Variants in TMEM116 observed in about 807,000 individuals in gnomAD.
The protein encoded by TMEM116 is transmembrane protein 116.
TMEM116 carries 38 observed loss-of-function variants against 44.3 expected under a neutral mutation model. That is an observed-to-expected ratio of 0.86 (90% confidence interval 0.66 to 1.12). The LOEUF is 1.12. TMEM116 is among the 50% of genes most tolerant of loss of function. The pLI, the probability that TMEM116 is intolerant of heterozygous loss-of-function variation, is 0.00. For synonymous variants in TMEM116, 132 were observed against 144.8 expected, an observed-to-expected ratio of 0.91 and a Z score of 0.64; for missense variants, 354 against 401.7, an observed-to-expected ratio of 0.88 and a Z score of 1.01.
chr12:111,944,369 A>C (rs1360624222), intron 4 of TMEM116, among the ~76,000 whole-genome samples: 1 of 152,076 alleles, frequency 6.6e-6, no homozygotes, highest in Non-Finnish European at 1.5e-5. Flanking sequence ...GGTAAGAGCG[A>C]GTATAGGAGG....
chr12:111,966,011 A>C (rs1406798420), intron 4 of TMEM116, among the ~76,000 whole-genome samples: 1 of 150,884 alleles, frequency 6.6e-6, no homozygotes, highest in Non-Finnish European at 1.5e-5. Flanking sequence ...TCATTTGTTT[A>C]AGAAGAAATT....
At chr12:112,005,021 G>C (rs1055026267) in intron 2 of TMEM116, among the ~76,000 whole-genome samples, 11 of 152,188 alleles carry the variant, frequency 7.2e-5, no homozygotes, top group Admixed American at 3.9e-4. Context: ...TTTTGCAACT[G>C]ATCCTGCTGA....
At chr12:111,992,549 A>C (rs899261288) in intron 3 of TMEM116, among the ~76,000 whole-genome samples, 2 of 152,166 alleles carry the variant, frequency 1.3e-5, no homozygotes, top group Admixed American at 6.6e-5. Context: ...GATCACAGGC[A>C]TGAGCCAAAC....
intron 4 of TMEM116, among the ~76,000 whole-genome samples, chr12:111,955,385 T>C (rs2074009024): frequency 6.6e-6 from 1 of 152,202 alleles, no homozygotes. Flanking sequence ...TCTCAGATGC[T>C]TTTGGAGAAA....
At chr12:111,984,333 G>A (rs954685467) in intron 4 of TMEM116, among the ~76,000 whole-genome samples, 1 of 152,070 alleles carries the variant, frequency 6.6e-6, no homozygotes, top group Non-Finnish European at 1.5e-5. Context: ...GGCAACCATC[G>A]TATATTTGCA....
chr12:112,006,306 G>A (rs924616478), intron 1 of TMEM116, among the ~76,000 whole-genome samples: 1 of 152,164 alleles, frequency 6.6e-6, no homozygotes, highest in African/African-American at 2.4e-5. Flanking sequence ...GAGAAAAAAA[G>A]ATGAGTCATA....
intron 4 of TMEM116, among the ~76,000 whole-genome samples, chr12:111,962,452 G>T (rs1037259360): frequency 1.3e-5 from 2 of 152,120 alleles, no homozygotes; most frequent in African/African-American, 4.8e-5. Context: ...GCATGGTACT[G>T]GTACCAAAAC....
intron 5 of TMEM116, among the ~76,000 whole-genome samples, chr12:111,939,439 G>A (rs1287688349): frequency 1.5e-5 from 2 of 130,906 alleles, no homozygotes; most frequent in Non-Finnish European, 3.1e-5. Flanking sequence ...GTGACAGAAT[G>A]AGAATCCGTC....
chr12:112,000,972 A>G (rs911960411), intron 3 of TMEM116: 2 of 337,654 alleles, frequency 5.9e-6, no homozygotes, highest in African/African-American at 2.2e-5. Flanking sequence ...CAGTCAGTAC[A>G]AGGTAAAGGC....
chr12:111,979,132 TG>T (rs2075818924), intron 4 of TMEM116, among the ~76,000 whole-genome samples: 1 of 152,030 alleles, frequency 6.6e-6, no homozygotes, highest in Non-Finnish European at 1.5e-5. Flanking sequence ...AAAGAAAAAA[TG>T]GATGAGTGGA....
intron 5 of TMEM116, among the ~76,000 whole-genome samples, chr12:111,939,878 CTCTGTGTG>C (rs1046588473): frequency 4.5e-5 from 5 of 110,724 alleles, no homozygotes; most frequent in African/African-American, 7.2e-5. Flanking sequence ...ATCTTCAAAG[CTCTGTGTG>C]TGTGTGTGTG....
chr12:111,940,464 C>CAT (rs201362551), intron 5 of TMEM116, among the ~76,000 whole-genome samples: 41 of 129,756 alleles, frequency 3.2e-4, no homozygotes, highest in South Asian at 8.0e-4. Flanking sequence ...CTGCCCCCCA[C>CAT]ATATATATAT....
chr12:111,969,864 G>A (rs2075230790), intron 4 of TMEM116, among the ~76,000 whole-genome samples: 1 of 152,160 alleles, frequency 6.6e-6, no homozygotes, highest in East Asian at 1.9e-4. Context: ...ACAGGTGTGA[G>A]CCACTGCGCC....
chr12:111,954,490 C>T (rs900519050), intron 4 of TMEM116, among the ~76,000 whole-genome samples: 4 of 152,170 alleles, frequency 2.6e-5, no homozygotes, highest in African/African-American at 7.2e-5. Flanking sequence ...GGGCACTTTA[C>T]ATTTGTTATC....
rs1286592146 is a variant in TMEM116, at chr12:111,932,667, TACACAAA to T, written c.734-15_734-9del. On this transcript the variant is annotated splice_polypyrimidine_tract_variant and intron_variant, in intron 9 of 10. Coordinates refer to ENST00000552374, the MANE Select transcript of TMEM116 (RefSeq NM_001193531.2). Reference sequence around the variant, plus strand: ...TGATCATTAGAATGACAGCTGTGAATACACAAAGTGTAAACCTTCTTGTCAGCCCTGA... The same window carrying T: ...TGATCATTAGAATGACAGCTGTGAATGTGTAAACCTTCTTGTCAGCCCTGA... The T allele has an allele frequency of 6.2e-6, 10 of 1,613,234 alleles. No individual in the cohort carries two copies. Among genetic ancestry groups the T allele is most frequent in the Non-Finnish European group, 8.5e-6 (10 of 1,179,168 alleles).
intron 1 of TMEM116, chr12:112,010,540 G>A (rs1255972153): frequency 2.0e-5 from 3 of 152,236 alleles, no homozygotes; most frequent in Admixed American, 6.5e-5. Context: ...GTAGAGAGGA[G>A]GCCCTGGAGA....
At chr12:111,972,885 A>G (rs185064019) in intron 4 of TMEM116, among the ~76,000 whole-genome samples, 150 of 152,042 alleles carry the variant, frequency 9.9e-4, no homozygotes, top group African/African-American at 3.4e-3. Context: ...TCAAAAAGAA[A>G]CAAAACAAAA....
intron 4 of TMEM116, among the ~76,000 whole-genome samples, chr12:111,963,145 A>G (rs1014896473): frequency 7.2e-5 from 11 of 152,236 alleles, no homozygotes; most frequent in African/African-American, 2.7e-4. Flanking sequence ...GGGGATCATT[A>G]AAAAGTCAGG....
chr12:111,951,650 T>C (rs752797665), intron 4 of TMEM116, among the ~76,000 whole-genome samples: 2 of 151,864 alleles, frequency 1.3e-5, no homozygotes, highest in Admixed American at 6.6e-5. Context: ...CAACACACAC[T>C]GGGGCTTATC....
Sources: allele counts gnomAD v4.1 joint callset (sites outside exome capture counted in the v4.1 genomes callset), GRCh38; gene constraint gnomAD v4.1.1; transcripts MANE v1.5; gene names NCBI Gene and HGNC (gene_info 2026-07-23, HGNC 2026-07-21).